The following DNAJB6 variants were observed in gnomAD, a reference collection of about 807,000 sequenced individuals.
DNAJB6 encodes DnaJ heat shock protein family (Hsp40) member B6.
DNAJB6 carries 16 observed loss-of-function variants against 42.7 expected under a neutral mutation model. The observed-to-expected ratio is 0.37, with a 90% CI of 0.25 to 0.57. The LOEUF is 0.57. Among genes scored for constraint, DNAJB6 ranks in the 20% least tolerant of loss-of-function variants. The pLI, the probability that DNAJB6 is intolerant of heterozygous loss-of-function variation, is 0.74. For missense variants in DNAJB6, 347 were observed against 416.8 expected (o/e 0.83, Z 1.46); for synonymous variants, 170 against 163.5 (o/e 1.04, Z -0.30).
chr7:157,370,935 C>G (rs200446812), intron 5 of DNAJB6: 1 of 152,554 alleles, frequency 6.6e-6, no homozygotes, highest in African/African-American at 2.4e-5. Flanking sequence ...TGATGTAGTT[C>G]AGGGGTCAAC....
At chr7:157,376,546 C>A (rs913389443) in intron 5 of DNAJB6, among the ~76,000 whole-genome samples, 13 of 152,144 alleles carry the variant, frequency 8.5e-5, no homozygotes, top group African/African-American at 2.4e-4. Flanking sequence ...GTCCCAAGAA[C>A]ATGTGTCCAA....
At chr7:157,352,903 A>G (rs568053496) in intron 1 of DNAJB6, among the ~76,000 whole-genome samples, 12 of 152,218 alleles carry the variant, frequency 7.9e-5, no homozygotes, top group Admixed American at 1.3e-4. Flanking sequence ...CTACGCTGTG[A>G]ACATTACTGC....
intron 5 of DNAJB6, among the ~76,000 whole-genome samples, chr7:157,371,518 C>G (rs1458524933): frequency 6.6e-6 from 1 of 152,208 alleles, no homozygotes; most frequent in Non-Finnish European, 1.5e-5. Flanking sequence ...GGAACCCGTC[C>G]TTTACAGAAG....
At chr7:157,353,991 A>T (rs1799144648) in intron 1 of DNAJB6, among the ~76,000 whole-genome samples, 1 of 151,886 alleles carries the variant, frequency 6.6e-6, no homozygotes, top group Non-Finnish European at 1.5e-5. Flanking sequence ...ATAGCTTTTT[A>T]AATTTTCTTG....
At chr7:157,337,702 T>C (rs1315554383) in intron 1 of DNAJB6, 1 of 152,262 alleles carries the variant, frequency 6.6e-6, no homozygotes, top group Non-Finnish European at 1.5e-5. Context: ...GCAGGCTGCC[T>C]TTCTCACTCA....
At chr7:157,371,911 C>T (rs1800228581) in intron 5 of DNAJB6, among the ~76,000 whole-genome samples, 2 of 152,176 alleles carry the variant, frequency 1.3e-5, no homozygotes, top group South Asian at 2.1e-4. Flanking sequence ...AAAACCAAAG[C>T]GAACCTTTAA....
At chr7:157,353,517 C>A (rs536153769) in intron 1 of DNAJB6, among the ~76,000 whole-genome samples, 1 of 151,682 alleles carries the variant, frequency 6.6e-6, no homozygotes, top group Non-Finnish European at 1.5e-5. Context: ...ATCCGAGGAA[C>A]CCAGATTGTA....
At chr7:157,363,088 AATG>A in intron 2 of DNAJB6, 70 bp from the exon 3 acceptor site, 1 of 1,031,248 alleles carries the variant, frequency 9.7e-7, no homozygotes. Flanking sequence ...TCTCGTGGTT[AATG>A]ATGTTAGTTT....
intron 5 of DNAJB6, chr7:157,379,304 G>A (rs909055903): frequency 6.6e-6 from 1 of 152,018 alleles, no homozygotes; most frequent in African/African-American, 2.4e-5. Context: ...AACTTCTAAG[G>A]GTTTAGTTGC....
chr7:157,382,549 C>T (rs1231489974), intron 6 of DNAJB6, 172 bp downstream of exon 6: 3 of 452,720 alleles, frequency 6.6e-6, no homozygotes, highest in East Asian at 3.9e-5. Context: ...CCTACATTTT[C>T]TCCTAATCTT....
rs762010618 is a variant in DNAJB6 at position 157,408,842 on chromosome 7, G to A, written c.692-953G>A. ...CGAGGAGGATGGGGCCGCCCCTGGC[G>A]TAAACTCTCTGCTGTGCCACGGGAG... On this transcript the variant is annotated intron_variant, in intron 8 of 9. Coordinates refer to ENST00000262177, the MANE Select transcript of DNAJB6 (RefSeq NM_058246.4). Among the ~76,000 whole-genome samples the A allele has an allele frequency of 1.4e-4, 22 of 152,374 alleles. No homozygotes were observed. In the East Asian group the frequency reaches 4.2e-3, roughly 29 times the overall value.
At chr7:157,356,513 A>G (rs569993063) in intron 1 of DNAJB6, among the ~76,000 whole-genome samples, 1 of 152,292 alleles carries the variant, frequency 6.6e-6, no homozygotes, top group East Asian at 1.9e-4. Context: ...CATTCTAACT[A>G]CCAGGGAGGA....
chr7:157,375,823 G>A (rs1040599001), intron 5 of DNAJB6, among the ~76,000 whole-genome samples: 1 of 152,214 alleles, frequency 6.6e-6, no homozygotes, highest in African/African-American at 2.4e-5. Context: ...AATCTCAAGC[G>A]TTTCTCCCTT....
At chr7:157,345,177 A>G (rs996157061) in intron 1 of DNAJB6, among the ~76,000 whole-genome samples, 3 of 151,898 alleles carry the variant, frequency 2.0e-5, no homozygotes, top group Admixed American at 6.6e-5. Context: ...TATTTTTTGT[A>G]GAGACAGGAT....
At chr7:157,368,457 C>G (rs1387878054) in intron 5 of DNAJB6, among the ~76,000 whole-genome samples, 2 of 152,174 alleles carry the variant, frequency 1.3e-5, no homozygotes. Flanking sequence ...GGAAAGGCAC[C>G]TCTAGAGCAA....
At chr7:157,386,820 G>A (rs1280354384) in intron 8 of DNAJB6, among the ~76,000 whole-genome samples, 2 of 151,670 alleles carry the variant, frequency 1.3e-5, no homozygotes, top group East Asian at 1.9e-4. Flanking sequence ...GGAGGTGGAC[G>A]TTGCAGTGAG....
chr7:157,346,226 A>G (rs969724673), intron 1 of DNAJB6, among the ~76,000 whole-genome samples: 11 of 151,332 alleles, frequency 7.3e-5, no homozygotes, highest in African/African-American at 2.2e-4. Flanking sequence ...GGTGTCTTTT[A>G]AGAAATGAAT....
intron 8 of DNAJB6, among the ~76,000 whole-genome samples, chr7:157,392,468 C>A (rs1341917374): frequency 6.6e-6 from 1 of 151,604 alleles, no homozygotes; most frequent in Non-Finnish European, 1.5e-5. Flanking sequence ...ACAGAGCTGC[C>A]CCATATTTTT....
At chr7:157,388,151 A>T (rs112003819) in intron 8 of DNAJB6, among the ~76,000 whole-genome samples, 156 of 152,300 alleles carry the variant, frequency 1.0e-3, no homozygotes, top group African/African-American at 3.5e-3. Flanking sequence ...TGGCTGAGAA[A>T]ATTACTTTTA....
Sources: allele counts gnomAD v4.1 joint callset (sites outside exome capture counted in the v4.1 genomes callset), GRCh38; gene constraint gnomAD v4.1.1; transcripts MANE v1.5; gene names NCBI Gene and HGNC (gene_info 2026-07-23, HGNC 2026-07-21).